The following RORC variants were observed in gnomAD, a reference collection of about 807,000 sequenced individuals.
RORC encodes nuclear receptor ROR-gamma.
A neutral mutation model predicts 64.5 loss-of-function variants in RORC; 13 were observed. The observed-to-expected ratio is 0.20, with a 90% CI of 0.13 to 0.32. The LOEUF (loss-of-function observed/expected upper bound fraction) is 0.32. RORC is among the 10% of genes least tolerant of loss of function. The probability of loss-of-function intolerance (pLI) is 1.00; values close to 1 mark genes in which losing one functional copy is unlikely to be tolerated. For synonymous variants in RORC, 277 were observed against 259.3 expected (o/e 1.07, Z -0.65); for missense variants, 468 against 669.5 (o/e 0.70, Z 3.32).
intron 9 of RORC, 96 bp from the exon 10 acceptor site, chr1:151,811,530 A>G: frequency 1.4e-6 from 1 of 737,408 alleles, no homozygotes; most frequent in Non-Finnish European, 2.3e-6. Flanking sequence ...TGTGCTGGAT[A>G]GAGGTCTTCT....
chr1:151,823,338 T>C (rs1010263304), intron 2 of RORC, among the ~76,000 whole-genome samples: 1 of 152,196 alleles, frequency 6.6e-6, no homozygotes, highest in Non-Finnish European at 1.5e-5. Context: ...CCTGAGTGCC[T>C]ATTGGCGCCA....
intron 2 of RORC, among the ~76,000 whole-genome samples, chr1:151,824,141 G>A (rs1016192654): frequency 3.3e-5 from 5 of 152,170 alleles, no homozygotes; most frequent in Non-Finnish European, 2.9e-5. Context: ...TTTTGCCATC[G>A]GCGGTTGGAG....
intron 2 of RORC, among the ~76,000 whole-genome samples, chr1:151,826,405 C>G (rs1003794560): frequency 6.6e-6 from 1 of 152,218 alleles, no homozygotes; most frequent in Non-Finnish European, 1.5e-5. Context: ...AAGCCTGACC[C>G]TCTTTGCCAG....
Position 151,830,946 on chromosome 1 carries a change from C to A in RORC, c.40+779G>T. On this transcript the variant is annotated intron_variant, in intron 1 of 10. Coordinates refer to ENST00000318247, the MANE Select transcript of RORC (RefSeq NM_005060.4). The surrounding 1 kb of genome is among the most constrained non-coding windows in gnomAD (Gnocchi z 4.0). ...TGCTCACCCAGGCAGCCAGTTCTTC[C>A]TCCACCAGGTGGCCCTGGAGCTTGG... The A allele has an allele frequency of 7.8e-7, 1 of 1,289,218 alleles. No homozygotes were observed. The highest frequency in any genetic ancestry group is 1.0e-6 in the Non-Finnish European group (1 of 988,746). 79.9% of individuals were successfully genotyped at this position (1,289,218 alleles called of 1,614,324 possible). A position where few individuals can be genotyped will look rare whatever the true frequency, so the allele number is the denominator to read the frequency against.
intron 1 of RORC, chr1:151,831,245 C>T: frequency 1.6e-6 from 1 of 624,496 alleles, no homozygotes; most frequent in Non-Finnish European, 2.4e-6. Context: ...CCAAGTCTGT[C>T]ACTCCTTAAA....
At chr1:151,813,908 C>G in intron 6 of RORC, 1 of 371,374 alleles carries the variant, frequency 2.7e-6, no homozygotes, top group Non-Finnish European at 5.0e-6. Flanking sequence ...TTGAGGTGAA[C>G]AGGACATACA....
rs569307472 is a variant in RORC, at chr1:151,811,387, T to C, written c.1333A>G (p.Asn445Asp). The C allele has an allele frequency of 2.5e-6, 4 of 1,614,050 alleles. No homozygotes were observed. Among genetic ancestry groups the C allele is most frequent in the Non-Finnish European group, 2.5e-6 (3 of 1,179,934 alleles). Residue 445 changes from asparagine to aspartate, a missense_variant, in exon 10 of 11, where the codon AAT (asparagine) becomes GAT (aspartate). Physicochemically the swap from Asn to Asp is conservative, Grantham distance 23 (BLOSUM62 1). Transcript: ENST00000318247. Reference protein sequence around the residue: ...EKRKVEQLQYNLELAFHHHLC... With the variant: ...EKRKVEQLQYDLELAFHHHLC... ...TGATGATGAAAGGCCAGCTCCAGAT[T>C]GTACTGCAGCTGTTCTACTTTCCTT... is the stretch of plus-strand genomic sequence containing the variant.
At chr1:151,829,118 C>G (rs1227811111) in intron 2 of RORC, among the ~76,000 whole-genome samples, 3 of 151,786 alleles carry the variant, frequency 2.0e-5, no homozygotes, top group Non-Finnish European at 4.4e-5. Context: ...GCAGTCGGCC[C>G]CACCCCCTCC....
intron 10 of RORC, among the ~76,000 whole-genome samples, chr1:151,810,923 T>C (rs1269563722): frequency 6.6e-6 from 1 of 152,146 alleles, no homozygotes; most frequent in Admixed American, 6.5e-5. Flanking sequence ...GTTAATTGCA[T>C]TATTATTATA....
chr1:151,812,387 T>G (rs1476311846), intron 9 of RORC: 1 of 153,150 alleles, frequency 6.5e-6, no homozygotes, highest in Non-Finnish European at 1.5e-5. Context: ...AGGCTTTGTG[T>G]TATATGCTTT....
intron 2 of RORC, among the ~76,000 whole-genome samples, chr1:151,818,651 C>T (rs1412947322): frequency 6.6e-6 from 1 of 152,238 alleles, no homozygotes; most frequent in African/African-American, 2.4e-5. Context: ...CCTGCTGCCT[C>T]CCCTCTGAGT....
intron 5 of RORC, 100 bp downstream of exon 5, chr1:151,814,813 G>T: frequency 1.3e-6 from 2 of 1,547,064 alleles, no homozygotes; most frequent in Non-Finnish European, 1.8e-6. Flanking sequence ...CCCTCGTCTG[G>T]ACCCCTCAAT....
chr1:151,820,645 C>T (rs1357222188), intron 2 of RORC, among the ~76,000 whole-genome samples: 1 of 152,200 alleles, frequency 6.6e-6, no homozygotes, highest in Non-Finnish European at 1.5e-5. Context: ...CAAAAGAAAA[C>T]TCCAATTCCA....
At position 151,815,206 on chromosome 1, in the gene RORC, G is replaced by T; in HGVS notation, c.518C>A (p.Pro173His). The change falls in exon 5 of 11, where the codon CCC (proline) becomes CAC (histidine). Residue 173 changes from proline (P) to histidine (H), a missense_variant. By Grantham distance (77) the Pro-to-His change is moderately conservative. Around this residue, in one of 5 missense-constraint regions of RORC, gnomAD observed 241 missense variants for 295.5 expected, o/e 0.82. Coordinates refer to ENST00000318247, the MANE Select transcript of RORC (RefSeq NM_005060.4). ...SPDLPEASAC[P>H]PGLLKASGSG... is the part of the protein sequence containing the mutation. ...GCCTGAGGCTTTCAGGAGGCCAGGG[G>T]GACAGGCAGAAGCCTCAGGCAGGTC... 6.2e-7 allele frequency: 1 copy of T among 1,613,926 alleles called. No homozygotes were observed. Among genetic ancestry groups the T allele is most frequent in the Non-Finnish European group, 8.5e-7 (1 of 1,179,898 alleles).
chr1:151,816,796 G>A lies in RORC; in HGVS notation c.166C>T (p.Arg56Cys), dbSNP rs1226877768. 2 of 1,540,806 alleles carry A rather than the reference G, an allele frequency of 1.3e-6. No individual in the cohort carries two copies. Among genetic ancestry groups the A allele is most frequent in the Non-Finnish European group, 1.8e-6 (2 of 1,137,882 alleles). ...ITCEGCKGFF[R>C]RSQRCNAAYS... ...GCCGCGTTACAGCGCTGGCTCCGGC[G>A]GAAGAAGCCCTGGGGAAAGCAGGTG... Residue 56 changes from arginine (R) to cysteine (C), a missense_variant, in exon 4 of 11, where the codon CGC becomes TGC. Around this residue, in one of 5 missense-constraint regions of RORC, gnomAD observed 241 missense variants for 295.5 expected, o/e 0.82. Coordinates refer to ENST00000318247, the MANE Select transcript of RORC (RefSeq NM_005060.4).
rs1431933908 is a variant in RORC, at chr1:151,817,334, C to T, written c.71-54G>A. 5.7e-6 allele frequency: 7 copies of T among 1,229,324 alleles called. No individual in the cohort carries two copies. In the Admixed American group the frequency reaches 6.8e-5, roughly 12 times the overall value. 76.2% of individuals were successfully genotyped at this position (1,229,324 alleles called of 1,614,324 possible). ...CCCAGGAGGCTTTTCTGCATTCAAC[C>T]ACCATGTACCTGGGCTGCAGATACA... On this transcript the variant is annotated intron_variant, in intron 2 of 10. Transcript: ENST00000318247.
intron 2 of RORC, among the ~76,000 whole-genome samples, chr1:151,818,544 C>G (rs1467667622): frequency 6.6e-6 from 1 of 152,164 alleles, no homozygotes; most frequent in Non-Finnish European, 1.5e-5. Flanking sequence ...CCCAGCTCTT[C>G]CTTGAAAGGT....
chr1:151,825,596 T>G (rs1421319365), intron 2 of RORC, among the ~76,000 whole-genome samples: 1 of 152,168 alleles, frequency 6.6e-6, no homozygotes, highest in African/African-American at 2.4e-5. Flanking sequence ...CCCCATCAGA[T>G]ACCAGCTGTG....
chr1:151,807,511 G>A lies in RORC; in HGVS notation c.1518C>T (p.Phe506=). 1 of 1,614,166 alleles carries A rather than the reference G, an allele frequency of 6.2e-7. No homozygotes were observed. The highest frequency in any genetic ancestry group is 8.5e-7 in the Non-Finnish European group (1 of 1,179,984). Residue 506 remains phenylalanine (F), a synonymous_variant, in exon 11 of 11, where the codon TTC becomes TTT. Transcript: ENST00000318247. The surrounding 1 kb of genome is among the most constrained non-coding windows in gnomAD (Gnocchi z 5.0). ...AAFPPLYKEL[F]STETESPVGL... ...CCACAGGTGACTCGGTTTCAGTGCT[G>A]AAGAGCTCCTTGTAGAGTGGAGGGA...
Sources: allele counts gnomAD v4.1 joint callset (sites outside exome capture counted in the v4.1 genomes callset), GRCh38; gene constraint gnomAD v4.1.1; regional missense constraint gnomAD v4.1.1; non-coding constraint Gnocchi (gnomAD v3.1); transcripts MANE v1.5; gene names NCBI Gene and HGNC (gene_info 2026-07-23, HGNC 2026-07-21).